Variants in PPM1H observed in about 807,000 individuals in gnomAD.
PPM1H encodes protein phosphatase 1H.
PPM1H carries 27 observed loss-of-function variants against 54.9 expected under a neutral mutation model. That is an observed-to-expected ratio of 0.49 (90% CI 0.36 to 0.68). The LOEUF (loss-of-function observed/expected upper bound fraction) is 0.68. PPM1H is among the 30% of genes least tolerant of loss of function. The pLI is 0.00. For synonymous variants in PPM1H, 305 were observed against 270.8 expected (o/e 1.13, Z -1.24); for missense variants, 596 against 667.8 (o/e 0.89, Z 1.19).
intron 7 of PPM1H, 77 bp downstream of exon 7, chr12:62,693,859 G>A (rs969556724): frequency 1.7e-5 from 22 of 1,308,270 alleles, no homozygotes; most frequent in Non-Finnish European, 1.8e-5. Flanking sequence ...TGGAACACAC[G>A]GACTGCCACG....
intron 4 of PPM1H, among the ~76,000 whole-genome samples, chr12:62,770,643 G>A (rs2076573471): frequency 1.3e-5 from 2 of 152,054 alleles, no homozygotes; most frequent in South Asian, 4.1e-4. Context: ...ATGATGACCT[G>A]CCAGCTCAGA....
intron 6 of PPM1H, among the ~76,000 whole-genome samples, chr12:62,701,100 T>C (rs956451748): frequency 1.3e-5 from 2 of 152,244 alleles, no homozygotes; most frequent in African/African-American, 4.8e-5. Flanking sequence ...GGGTACCCAA[T>C]AAATATTTGG....
chr12:62,782,181 A>G (rs1214820321), intron 4 of PPM1H, among the ~76,000 whole-genome samples: 1 of 152,232 alleles, frequency 6.6e-6, no homozygotes, highest in Non-Finnish European at 1.5e-5. Context: ...ACCACTTATT[A>G]GCAAAAAGGA....
At chr12:62,776,115 A>G (rs1368962426) in intron 4 of PPM1H, among the ~76,000 whole-genome samples, 4 of 152,092 alleles carry the variant, frequency 2.6e-5, no homozygotes, top group Non-Finnish European at 1.5e-5. Context: ...CCCACGACTC[A>G]GTTACCTCCC....
intron 1 of PPM1H, among the ~76,000 whole-genome samples, chr12:62,889,297 A>T (rs142300839): frequency 7.8e-4 from 119 of 152,244 alleles, no homozygotes; most frequent in African/African-American, 2.8e-3. Context: ...AAGGCAAAAG[A>T]CCCAGAATAA....
Position 62,896,254 on chromosome 12 carries a change from C to T in PPM1H, c.245+38238G>A, listed in dbSNP as rs1870984492. Among the ~76,000 whole-genome samples, 4 of 152,122 alleles carry T rather than the reference C, an allele frequency of 2.6e-5. No individual in the cohort carries two copies. The South Asian group carries it at 8.3e-4, about 31-fold the overall frequency. On this transcript the variant is annotated intron_variant, in intron 1 of 9. Transcript: ENST00000228705. ...AAAAGCCAAAATAGACAAATGGGATCTAAGTAAACTAAAGAGCTTCTGCAC... is the reference window on the plus strand; with the variant it reads ...AAAAGCCAAAATAGACAAATGGGATTTAAGTAAACTAAAGAGCTTCTGCAC...
chr12:62,934,579 T>G lies in PPM1H; in HGVS notation c.158A>C (p.Glu53Ala), dbSNP rs1312694586. The G allele has an allele frequency of 6.4e-7, 1 of 1,561,340 alleles. No individual in the cohort carries two copies. The highest frequency in any genetic ancestry group is 8.7e-7 in the Non-Finnish European group (1 of 1,154,024). The change falls in exon 1 of 10, where the codon GAG becomes GCG. Residue 53 changes from glutamate to alanine, a missense_variant. Coordinates refer to ENST00000228705, the MANE Select transcript of PPM1H (RefSeq NM_020700.2). This position sits in a 1 kb window ranked among gnomAD's most constrained non-coding sequence, Gnocchi z 4.2. ...GATGTGGTCGGCGCTGCACTCCACC[T>G]CGTCCTGAGACAGCCCCAGGAACTC... ...RPEFLGLSQDEVECSADHIAR... is the reference protein window; with the variant it reads ...RPEFLGLSQDAVECSADHIAR...
chr12:62,713,954 T>C (rs1287364190), intron 6 of PPM1H, among the ~76,000 whole-genome samples: 1 of 151,484 alleles, frequency 6.6e-6, no homozygotes, highest in Non-Finnish European at 1.5e-5. Context: ...AGTGACAGAG[T>C]GAGACCCTGT....
rs1204007084 is a variant in PPM1H, at chr12:62,934,344, A to G, written c.245+148T>C. 8.7e-6 allele frequency: 10 copies of G among 1,149,764 alleles called. No homozygotes were observed. The highest frequency in any genetic ancestry group is 1.2e-5 in the Non-Finnish European group (10 of 858,150). The allele number at this position is 1,149,764 out of a possible 1,614,324, so 71.2% of individuals were successfully genotyped here. ...GAGTGGGGAGAAGAGGGAAATGGCC[A>G]GTGTAAGTAAAGAGCTCCCCGCCGA... is the stretch of plus-strand genomic sequence containing the variant. On this transcript the variant is annotated intron_variant, in intron 1 of 9. Transcript: ENST00000228705. The surrounding 1 kb of genome is among the most constrained non-coding windows in gnomAD (Gnocchi z 4.2).
chr12:62,710,777 G>T (rs1375239884), intron 6 of PPM1H, among the ~76,000 whole-genome samples: 1 of 152,130 alleles, frequency 6.6e-6, no homozygotes, highest in Non-Finnish European at 1.5e-5. Flanking sequence ...GCCTTCCTTT[G>T]TCTTTTTGTT....
intron 1 of PPM1H, among the ~76,000 whole-genome samples, chr12:62,920,139 G>A (rs1485059200): frequency 6.6e-6 from 1 of 152,090 alleles, no homozygotes; most frequent in Non-Finnish European, 1.5e-5. Flanking sequence ...TGCCAAGAGG[G>A]CATCTAATCG....
chr12:62,723,415 T>G (rs1022086086), intron 5 of PPM1H, among the ~76,000 whole-genome samples: 6 of 152,116 alleles, frequency 3.9e-5, no homozygotes, highest in Middle Eastern at 3.2e-3. Flanking sequence ...TGTTATGGTC[T>G]GAATGTGTCT....
chr12:62,783,354 T>C (rs1474855566), intron 4 of PPM1H, among the ~76,000 whole-genome samples: 1 of 152,224 alleles, frequency 6.6e-6, no homozygotes, highest in Non-Finnish European at 1.5e-5. Context: ...CCATTGATTA[T>C]AAGGTGTGCC....
chr12:62,832,333 A>C (rs1299555094), intron 1 of PPM1H, 54 bp from the exon 2 acceptor site: 8 of 1,532,376 alleles, frequency 5.2e-6, no homozygotes, highest in Non-Finnish European at 7.1e-6. Context: ...CTGAGGGCAC[A>C]GTCCCTTGTC....
intron 1 of PPM1H, among the ~76,000 whole-genome samples, chr12:62,860,696 T>A (rs1324815995): frequency 3.9e-5 from 6 of 152,194 alleles, no homozygotes; most frequent in Non-Finnish European, 8.8e-5. Context: ...TCAGCATGCC[T>A]TGGTGCTCCT....
In PPM1H at chr12:62,924,794, C is replaced by T. The variant is rs536887198; in HGVS notation, c.245+9698G>A. On this transcript the variant is annotated intron_variant, in intron 1 of 9. Coordinates refer to ENST00000228705, the MANE Select transcript of PPM1H (RefSeq NM_020700.2). ...TGGTGGCTCACGCCTGCACTCCCAG[C>T]GCTTTGGGAGGCAAAGGCAGGTGGA... is the stretch of plus-strand genomic sequence containing the variant. 1.7e-3 allele frequency among the ~76,000 whole-genome samples: 259 copies of T among 152,282 alleles called. 2 individuals carry two copies. The highest frequency in any genetic ancestry group is 5.6e-3 in the African/African-American group (233 of 41,550).
intron 8 of PPM1H, among the ~76,000 whole-genome samples, chr12:62,679,281 G>A (rs2076005579): frequency 6.6e-6 from 1 of 152,188 alleles, no homozygotes; most frequent in Non-Finnish European, 1.5e-5. Flanking sequence ...CACCATGCCT[G>A]GCCACCTGTA....
rs909328512 is a variant in PPM1H at position 62,819,205 on chromosome 12, C to T, written c.411+12909G>A. ...AGTGCAGTGGCGTGATCTCAGCTCACTGCAACCTCTGCCCTCCAAGTTAAA... is the reference window on the plus strand; with the variant it reads ...AGTGCAGTGGCGTGATCTCAGCTCATTGCAACCTCTGCCCTCCAAGTTAAA... On this transcript the variant is annotated intron_variant, in intron 2 of 9. Transcript: ENST00000228705. Among the ~76,000 whole-genome samples, 7 of 149,706 alleles carry T rather than the reference C, an allele frequency of 4.7e-5. 1 individual carries two copies. The Middle Eastern group carries it at 0.014, about 295-fold the overall frequency.
chr12:62,667,270 G>A lies in PPM1H; in HGVS notation c.1305C>T (p.Ala435=). Residue 435 remains alanine, a synonymous_variant, in exon 9 of 10, where the codon GCC becomes GCT. Transcript: ENST00000228705. ...ATAAAACGTCCCAGAGTCCATCAGT[G>A]GCCAAGATCAGCACATCATCTGATC... is the stretch of plus-strand genomic sequence containing the variant. ...DHGSDDVLIL[A]TDGLWDVLSN... is the part of the protein sequence containing the mutation. 1 of 1,605,884 alleles carries A rather than the reference G, an allele frequency of 6.2e-7. No individual in the cohort carries two copies. Among genetic ancestry groups the A allele is most frequent in the Non-Finnish European group, 8.5e-7 (1 of 1,173,010 alleles).
Sources: allele counts gnomAD v4.1 joint callset (sites outside exome capture counted in the v4.1 genomes callset), GRCh38; gene constraint gnomAD v4.1.1; non-coding constraint Gnocchi (gnomAD v3.1); transcripts MANE v1.5; gene names NCBI Gene and HGNC (gene_info 2026-07-23, HGNC 2026-07-21).